C12orf42: variants seen among roughly 807,000 people sequenced by gnomAD.
C12orf42 encodes the protein uncharacterized protein C12orf42.
C12orf42 carries 25 observed loss-of-function variants against 21.6 expected under a neutral mutation model. The observed-to-expected ratio is 1.16, with a 90% CI of 0.84 to 1.62. The LOEUF is 1.62. C12orf42 is among the 40% of genes most tolerant of loss of function. C12orf42 has a pLI of 0.00. For synonymous variants in C12orf42, 174 were observed against 175.0 expected (o/e 0.99, Z 0.05); for missense variants, 483 against 459.3 (o/e 1.05, Z -0.47).
the C12orf42 span, among the ~76,000 whole-genome samples, chr12:103,225,890 C>T: frequency 2.0e-5 from 3 of 152,108 alleles, no homozygotes; most frequent in African/African-American, 4.8e-5. Flanking sequence ...ACCCGAAGCT[C>T]GGCGTCCGTG....
chr12:103,416,612 C>T (rs11111561), intron 2 of C12orf42, among the ~76,000 whole-genome samples: 2,730 of 139,394 alleles, frequency 0.02, 55 homozygotes, highest in Non-Finnish European at 0.029. Context: ...ACATTTATTA[C>T]TATATGCAAG....
intron 2 of C12orf42, among the ~76,000 whole-genome samples, chr12:103,456,503 T>C (rs985166032): frequency 6.6e-6 from 1 of 152,178 alleles, no homozygotes; most frequent in African/African-American, 2.4e-5. Context: ...CTTCTGTGCC[T>C]GCTTTAGTGT....
the C12orf42 span, among the ~76,000 whole-genome samples, chr12:103,130,266 T>C: frequency 6.6e-6 from 1 of 151,390 alleles, no homozygotes; most frequent in Non-Finnish European, 1.5e-5. Context: ...ATAGCTTCTC[T>C]GAGGTCATAT....
the C12orf42 span, among the ~76,000 whole-genome samples, chr12:103,089,335 T>G: frequency 6.6e-6 from 1 of 152,102 alleles, no homozygotes. Flanking sequence ...TGCATTCAGC[T>G]GCTAAATTTT....
chr12:103,333,950 C>T (rs965322644), intron 4 of C12orf42, among the ~76,000 whole-genome samples: 8 of 152,168 alleles, frequency 5.3e-5, no homozygotes, highest in African/African-American at 1.9e-4. Flanking sequence ...CTGCCTGGGG[C>T]TATGACTTCA....
chr12:103,148,282 C>A, the C12orf42 span, among the ~76,000 whole-genome samples: 1 of 152,130 alleles, frequency 6.6e-6, no homozygotes, highest in Non-Finnish European at 1.5e-5. Context: ...TATTATATTT[C>A]TCACTCTATG....
At chr12:103,518,613 T>G in the C12orf42 span, among the ~76,000 whole-genome samples, 1 of 152,180 alleles carries the variant, frequency 6.6e-6, no homozygotes, top group Non-Finnish European at 1.5e-5. Context: ...GTTTTTGCCC[T>G]GAATATGTCC....
intron 1 of C12orf42, among the ~76,000 whole-genome samples, chr12:103,486,785 T>C (rs1349306906): frequency 6.6e-6 from 1 of 152,188 alleles, no homozygotes; most frequent in Non-Finnish European, 1.5e-5. Flanking sequence ...TAGTTTGTAT[T>C]TCTGTGGGAT....
intron 4 of C12orf42, among the ~76,000 whole-genome samples, chr12:103,329,060 A>C (rs987842377): frequency 2.6e-5 from 4 of 152,186 alleles, no homozygotes; most frequent in Non-Finnish European, 5.9e-5. Context: ...GCAGGGATGC[A>C]GGCATGCATT....
intron 2 of C12orf42, among the ~76,000 whole-genome samples, chr12:103,415,031 T>C (rs768438400): frequency 1.3e-5 from 2 of 151,860 alleles, no homozygotes; most frequent in Non-Finnish European, 2.9e-5. Context: ...CTGTCTTACA[T>C]GTAACAACAC....
At chr12:103,054,315 C>G in the C12orf42 span, among the ~76,000 whole-genome samples, 5 of 151,720 alleles carry the variant, frequency 3.3e-5, no homozygotes, top group African/African-American at 1.2e-4. Flanking sequence ...TTTGATTCAT[C>G]CTTAAGTATT....
rs1441933082 is a variant in C12orf42, at chr12:103,369,096, A to G, written c.148-98T>C. 2.9e-5 allele frequency: 16 copies of G among 544,330 alleles called. No individual in the cohort carries two copies. The South Asian group carries it at 4.7e-4, about 16-fold the overall frequency. The allele number at this position is 544,330 out of a possible 1,614,324, so 33.7% of individuals were successfully genotyped here. A position where few individuals can be genotyped will look rare whatever the true frequency, so the allele number is the denominator to read the frequency against. ...CACTCTTACTTCCCTAAAGTGAGTG[A>G]CATTTTAAAAATATTTTTGTTTCTT... On this transcript the variant is annotated intron_variant, in intron 3 of 5. Transcript: ENST00000548883.
chr12:103,191,543 CAAAAAAAAAAAAAA>C, the C12orf42 span, among the ~76,000 whole-genome samples: 231 of 58,118 alleles, frequency 4.0e-3, 1 homozygote, highest in African/African-American at 0.014. Context: ...CTCCACTCTA[CAAAAAAAAAAAAAA>C]AAAAAAAAAA....
intron 2 of C12orf42, among the ~76,000 whole-genome samples, chr12:103,450,383 T>C (rs143024496): frequency 1.3e-5 from 2 of 152,130 alleles, no homozygotes; most frequent in African/African-American, 4.8e-5. Context: ...TGGGATAAAC[T>C]TGGTGTTCTT....
chr12:103,540,946 T>C, the C12orf42 span, among the ~76,000 whole-genome samples: 2 of 152,148 alleles, frequency 1.3e-5, no homozygotes, highest in African/African-American at 4.8e-5. Flanking sequence ...CTCTATTGCC[T>C]AGGCTGAGGT....
chr12:103,545,222 A>G, the C12orf42 span, among the ~76,000 whole-genome samples: 10,918 of 152,252 alleles, frequency 0.072, 1,309 homozygotes, highest in African/African-American at 0.24. Flanking sequence ...AATAGAAAAC[A>G]GGTTTGTTTT....
At chr12:103,428,050 T>C (rs889970472) in intron 2 of C12orf42, among the ~76,000 whole-genome samples, 1 of 151,862 alleles carries the variant, frequency 6.6e-6, no homozygotes, top group African/African-American at 2.4e-5. Flanking sequence ...TGCCCTAACA[T>C]CACAATTAAA....
intron 4 of C12orf42, among the ~76,000 whole-genome samples, chr12:103,351,018 T>C (rs1195090952): frequency 6.6e-6 from 1 of 152,180 alleles, no homozygotes; most frequent in African/African-American, 2.4e-5. Flanking sequence ...TTACCTTCCT[T>C]ATAGTCCCTT....
At chr12:103,354,193 G>A (rs2043331983) in intron 4 of C12orf42, among the ~76,000 whole-genome samples, 1 of 152,076 alleles carries the variant, frequency 6.6e-6, no homozygotes, top group South Asian at 2.1e-4. Context: ...TTGGTCTGAG[G>A]CTGCTATTAG....
Sources: gnomAD v4.1 joint callset for allele counts (sites outside exome capture counted in the v4.1 genomes callset) on GRCh38, gnomAD v4.1.1 for gene constraint, MANE v1.5 for transcripts, NCBI Gene and HGNC (gene_info 2026-07-23, HGNC 2026-07-21) for gene names.